Variants in MED13L observed in about 807,000 individuals in gnomAD.
MED13L encodes mediator complex subunit 13L, also known as mediator of RNA polymerase II transcription subunit 13-like.
A neutral mutation model predicts 220.9 loss-of-function variants in MED13L; 7 were observed. The ratio of observed to expected loss-of-function variants is 0.03; its 90% CI spans 0.02 to 0.06. The LOEUF (loss-of-function observed/expected upper bound fraction) is 0.06, where lower values mean the gene tolerates loss of function less well. MED13L is among the 10% of genes least tolerant of loss of function. MED13L has a pLI of 1.00. For synonymous variants in MED13L, 1,011 were observed against 1,015.2 expected, an observed-to-expected ratio of 1.00 and a Z score of 0.08; for missense variants, 1,965 against 2,760.5, an observed-to-expected ratio of 0.71 and a Z score of 6.46.
At chr12:116,064,309 T>C (rs922036440) in intron 4 of MED13L, among the ~76,000 whole-genome samples, 4 of 152,182 alleles carry the variant, frequency 2.6e-5, no homozygotes, top group Admixed American at 1.3e-4. Flanking sequence ...GACTGTATTA[T>C]TGGGGGAATA....
In MED13L at chr12:116,123,636, C is replaced by T. The variant is rs577446446; in HGVS notation, c.311-12124G>A. On this transcript the variant is annotated intron_variant, in intron 2 of 30. Transcript: ENST00000281928. ...TCTGACAGGGCAAGTCCCCAAATTG[C>T]CTTTTACACTAAAGCTCAAACAGTT... Among the ~76,000 whole-genome samples the T allele has an allele frequency of 2.6e-5, 4 of 152,210 alleles. 1 individual carries two copies. Among genetic ancestry groups the T allele is most frequent in the Admixed American group, 2.6e-4 (4 of 15,268 alleles).
intron 1 of MED13L, among the ~76,000 whole-genome samples, chr12:116,265,791 T>C (rs1235475983): frequency 2.0e-5 from 3 of 152,176 alleles, no homozygotes; most frequent in Non-Finnish European, 4.4e-5. Context: ...AAATTAGAAG[T>C]GTTCTCCTAC....
At chr12:116,036,580 A>G (rs1881210498) in intron 4 of MED13L, among the ~76,000 whole-genome samples, 1 of 152,244 alleles carries the variant, frequency 6.6e-6, no homozygotes, top group Non-Finnish European at 1.5e-5. Context: ...GTGTTTTGAT[A>G]ACAGATTCTC....
At chr12:116,019,685 G>T in intron 6 of MED13L, 93 bp downstream of exon 6, 1 of 1,416,182 alleles carries the variant, frequency 7.1e-7, no homozygotes, top group East Asian at 2.3e-5. Context: ...AGATGGGTAT[G>T]GAGATTATTT....
chr12:116,162,822 C>T (rs1878988400), intron 2 of MED13L, among the ~76,000 whole-genome samples: 1 of 152,080 alleles, frequency 6.6e-6, no homozygotes, highest in Non-Finnish European at 1.5e-5. Context: ...TCTTTTACTA[C>T]GTCTTAACAT....
At chr12:116,240,817 A>G (rs928190753) in intron 1 of MED13L, among the ~76,000 whole-genome samples, 20 of 150,964 alleles carry the variant, frequency 1.3e-4, no homozygotes, top group Admixed American at 1.1e-3. Context: ...GCGAGCCACC[A>G]CGCCCGGACA....
chr12:116,220,379 A>AT (rs1458332338), intron 2 of MED13L, among the ~76,000 whole-genome samples: 1 of 152,158 alleles, frequency 6.6e-6, no homozygotes. Flanking sequence ...CTCTTAGACC[A>AT]TCAAAATACA....
At chr12:115,969,945 A>T (rs939353696) in intron 27 of MED13L, among the ~76,000 whole-genome samples, 1 of 152,030 alleles carries the variant, frequency 6.6e-6, no homozygotes, top group African/African-American at 2.4e-5. Flanking sequence ...CACCATGATC[A>T]TTTTTTTCTA....
At chr12:116,171,055 A>G (rs1370390027) in intron 2 of MED13L, among the ~76,000 whole-genome samples, 1 of 152,256 alleles carries the variant, frequency 6.6e-6, no homozygotes, top group Admixed American at 6.5e-5. Flanking sequence ...CATCATCAGT[A>G]CAAATGTCAA....
chr12:116,029,667 G>C (rs1374830234), intron 4 of MED13L, among the ~76,000 whole-genome samples: 1 of 152,068 alleles, frequency 6.6e-6, no homozygotes, highest in African/African-American at 2.4e-5. Context: ...TATATAAAGA[G>C]AAACTCAAGA....
intron 4 of MED13L, among the ~76,000 whole-genome samples, chr12:116,070,165 CTAT>C (rs1320935525): frequency 6.6e-6 from 1 of 152,138 alleles, no homozygotes; most frequent in Non-Finnish European, 1.5e-5. Flanking sequence ...AGGGCAGGAG[CTAT>C]TATAAGACAG....
intron 1 of MED13L, among the ~76,000 whole-genome samples, chr12:116,274,085 A>G (rs2138603987): frequency 6.6e-6 from 1 of 152,362 alleles, no homozygotes; most frequent in East Asian, 1.9e-4. Context: ...CAAATCTCAC[A>G]GCAGTTAGAA....
intron 2 of MED13L, among the ~76,000 whole-genome samples, chr12:116,233,199 T>C (rs971159106): frequency 2.0e-5 from 3 of 151,920 alleles, no homozygotes; most frequent in Non-Finnish European, 2.9e-5. Flanking sequence ...TAGAATTTAG[T>C]CAAGCCAAAA....
intron 1 of MED13L, among the ~76,000 whole-genome samples, chr12:116,273,177 G>T (rs1340034019): frequency 1.3e-5 from 2 of 152,130 alleles, no homozygotes; most frequent in Non-Finnish European, 2.9e-5. Flanking sequence ...GGTGGCACAT[G>T]CCTGTAATCC....
chr12:116,029,333 T>A (rs1292509500), intron 4 of MED13L, among the ~76,000 whole-genome samples: 1 of 150,728 alleles, frequency 6.6e-6, no homozygotes, highest in Non-Finnish European at 1.5e-5. Flanking sequence ...ATTAAAAAAA[T>A]TGAAACTTAT....
Position 116,019,985 on chromosome 12 carries a change from G to A in MED13L, c.626-13C>T. On this transcript the variant is annotated splice_polypyrimidine_tract_variant and intron_variant, in intron 5 of 30. Transcript: ENST00000281928. ...GGACTTACCAGTACTATGGAGGGGA[G>A]GAGAAATACATGCTAAACATTAGAG... 6.2e-7 allele frequency: 1 copy of A among 1,606,388 alleles called. No individual in the cohort carries two copies. Among genetic ancestry groups the A allele is most frequent in the Non-Finnish European group, 8.5e-7 (1 of 1,173,300 alleles).
intron 28 of MED13L, 32 bp downstream of exon 28, chr12:115,968,908 G>A (rs1286316350): frequency 6.2e-7 from 1 of 1,612,460 alleles, no homozygotes; most frequent in South Asian, 1.1e-5. Context: ...GGCTATGGTT[G>A]TCTTAAACAA....
intron 2 of MED13L, among the ~76,000 whole-genome samples, chr12:116,172,945 AC>A (rs1879787603): frequency 1.3e-5 from 2 of 151,402 alleles, no homozygotes; most frequent in Non-Finnish European, 2.9e-5. Flanking sequence ...AAAAAAAAAA[AC>A]AAGTACTATT....
At chr12:116,196,380 CAA>C (rs879671602) in intron 2 of MED13L, among the ~76,000 whole-genome samples, 2 of 136,676 alleles carry the variant, frequency 1.5e-5, no homozygotes, top group Non-Finnish European at 1.6e-5. Context: ...GTGCAATTAA[CAA>C]AAAAAAAAAA....
Sources: allele counts gnomAD v4.1 joint callset (sites outside exome capture counted in the v4.1 genomes callset), GRCh38; gene constraint gnomAD v4.1.1; transcripts MANE v1.5; gene names NCBI Gene and HGNC (gene_info 2026-07-23, HGNC 2026-07-21).